EIF2AK3: variants seen among roughly 807,000 people sequenced by gnomAD.
EIF2AK3 encodes the protein eukaryotic translation initiation factor 2-alpha kinase 3.
A neutral mutation model predicts 113.5 loss-of-function variants in EIF2AK3; 50 were observed. That is an observed-to-expected ratio of 0.44 (90% confidence interval 0.35 to 0.56). The LOEUF is 0.56. EIF2AK3 is among the 20% of genes least tolerant of loss of function. The pLI is 0.00. For missense variants in EIF2AK3, 1,185 were observed against 1,378.0 expected, an observed-to-expected ratio of 0.86 and a Z score of 2.22; for synonymous variants, 448 against 495.4, an observed-to-expected ratio of 0.90 and a Z score of 1.27.
intron 2 of EIF2AK3, among the ~76,000 whole-genome samples, chr2:88,610,146 C>G (rs189410131): frequency 1.3e-5 from 2 of 152,000 alleles, no homozygotes; most frequent in Admixed American, 1.3e-4. Context: ...CAAAACAAAA[C>G]AAAACAACTT....
chr2:88,625,458 CCTTCT>C (rs2103989182), intron 1 of EIF2AK3, among the ~76,000 whole-genome samples: 1 of 152,290 alleles, frequency 6.6e-6, no homozygotes, highest in African/African-American at 2.4e-5. Context: ...TCTGCCACAA[CCTTCT>C]CTTATCTTCT....
At chr2:88,588,530 A>T (rs141243565) in intron 7 of EIF2AK3, among the ~76,000 whole-genome samples, 142 of 152,332 alleles carry the variant, frequency 9.3e-4, no homozygotes, top group African/African-American at 3.3e-3. Flanking sequence ...TAAGTTGTAT[A>T]GAGAAATATT....
chr2:88,593,154 A>AT, intron 4 of EIF2AK3, 118 bp downstream of exon 4: 1 of 1,203,682 alleles, frequency 8.3e-7, no homozygotes, highest in South Asian at 1.3e-5. Context: ...AAAAATATAT[A>AT]TATATATGCT....
At position 88,585,988 on chromosome 2, in the gene EIF2AK3, G is replaced by A. The variant is rs761573254; in HGVS notation, c.1503C>T (p.Leu501=). The A allele has an allele frequency of 4.3e-6, 7 of 1,614,006 alleles. No homozygotes were observed. Among genetic ancestry groups the A allele is most frequent in the East Asian group, 2.2e-5 (1 of 44,894 alleles). The change falls in exon 9 of 17, where the codon CTC becomes CTT. Residue 501 remains leucine, a synonymous_variant. Coordinates refer to ENST00000303236, the MANE Select transcript of EIF2AK3 (RefSeq NM_004836.7). ...KRSTQITVRF[L]DNPHYNKNIR... ...TATTCTTGTTGTAATGTGGGTTGTC[G>A]AGGAATCTGACTGTAATCTGTGTGC...
chr2:88,626,228 C>A, intron 1 of EIF2AK3, among the ~76,000 whole-genome samples: 1 of 152,194 alleles, frequency 6.6e-6, no homozygotes. Context: ...AAAGAAAACC[C>A]TATATTAAAT....
chr2:88,590,371 A>C, intron 6 of EIF2AK3, 72 bp downstream of exon 6: 1 of 1,515,870 alleles, frequency 6.6e-7, no homozygotes, highest in Non-Finnish European at 9.1e-7. Flanking sequence ...CTCCTGAAGT[A>C]GGAAGGAACA....
intron 2 of EIF2AK3, 94 bp from the exon 3 acceptor site, chr2:88,595,757 A>T (rs1366658916): frequency 1.7e-6 from 2 of 1,200,944 alleles, no homozygotes; most frequent in Non-Finnish European, 2.4e-6. Flanking sequence ...ATACCTTTAA[A>T]AGAATAATAG....
In EIF2AK3 at chr2:88,571,136, C is replaced by A. The variant is rs1042003910; in HGVS notation, c.2818-95G>T. ...AAAAGACTACAAAGAAAAAATACAACAAACTAGATATTTTCAAGCATATTT... is the reference window on the plus strand; with the variant it reads ...AAAAGACTACAAAGAAAAAATACAAAAAACTAGATATTTTCAAGCATATTT... On this transcript the variant is annotated intron_variant, in intron 13 of 16. Transcript: ENST00000303236. The A allele has an allele frequency of 5.4e-5, 74 of 1,382,456 alleles. No individual in the cohort carries two copies. In the Admixed American group the frequency reaches 1.3e-3, roughly 24 times the overall value. 85.6% of individuals were successfully genotyped at this position (1,382,456 alleles called of 1,614,324 possible).
chr2:88,588,098 G>C lies in EIF2AK3; in HGVS notation c.1313C>G (p.Pro438Arg), dbSNP rs754468668. The change falls in exon 8 of 17, where the codon CCT (proline) becomes CGT (arginine). Residue 438 changes from proline (P) to arginine (R), a missense_variant. Physicochemically the swap from Pro to Arg is moderately radical, Grantham distance 103. This residue lies in a region of EIF2AK3 where 877 missense variants were observed against 1,024.2 expected (regional missense o/e 0.86). Coordinates refer to ENST00000303236, the MANE Select transcript of EIF2AK3 (RefSeq NM_004836.7). ...TCCTACCAAGACAGGAGTTCTGGAA[G>C]GAGAATCTAAAAGAAAATTATTATT... ...TIKWKPLIHS[P>R]SRTPVLVGSD... The C allele has an allele frequency of 2.3e-5, 34 of 1,473,756 alleles. No homozygotes were observed. Among genetic ancestry groups the C allele is most frequent in the Non-Finnish European group, 9.4e-7 (1 of 1,065,100 alleles). The allele number at this position is 1,473,756 out of a possible 1,614,324, so 91.3% of individuals were successfully genotyped here.
rs913424596 is a variant in EIF2AK3 at position 88,562,646 on chromosome 2, C to T, written c.2986-256G>A. 2.6e-5 allele frequency among the ~76,000 whole-genome samples: 4 copies of T among 152,290 alleles called. No individual in the cohort carries two copies. In the South Asian group the frequency reaches 6.2e-4, roughly 24 times the overall value. On this transcript the variant is annotated intron_variant, in intron 14 of 16. Coordinates refer to ENST00000303236, the MANE Select transcript of EIF2AK3 (RefSeq NM_004836.7). ...ATATGCATCAGTAAAACAGGCCCCT[C>T]GGAAACCTGGAGACTTGCCATGCTA... is the stretch of plus-strand genomic sequence containing the variant.
At chr2:88,598,334 C>G (rs976187523) in intron 2 of EIF2AK3, among the ~76,000 whole-genome samples, 3 of 152,094 alleles carry the variant, frequency 2.0e-5, no homozygotes, top group African/African-American at 7.2e-5. Context: ...TCTAGGGTGT[C>G]TCCTTACAGA....
intron 2 of EIF2AK3, among the ~76,000 whole-genome samples, chr2:88,608,341 G>A (rs1245060128): frequency 6.6e-6 from 1 of 152,020 alleles, no homozygotes. Flanking sequence ...CGACTACTCA[G>A]GAGGCACGTG....
intron 15 of EIF2AK3, among the ~76,000 whole-genome samples, chr2:88,561,201 G>C (rs557845400): frequency 6.6e-6 from 1 of 151,550 alleles, no homozygotes; most frequent in Non-Finnish European, 1.5e-5. Flanking sequence ...TGATCTTCCT[G>C]CTTGAGCCTC....
chr2:88,593,518 G>T (rs1211869831), intron 3 of EIF2AK3, 113 bp from the exon 4 acceptor site: 3 of 1,269,544 alleles, frequency 2.4e-6, no homozygotes, highest in African/African-American at 1.5e-5. Flanking sequence ...AAGGAAATGT[G>T]TATGAAGTAC....
chr2:88,615,591 T>TCCC (rs3048919), intron 1 of EIF2AK3, among the ~76,000 whole-genome samples: 3,440 of 152,266 alleles, frequency 0.023, 171 homozygotes, highest in Admixed American at 0.11. Context: ...ATCTTGAACT[T>TCCC]CCCAGCCTCT....
intron 6 of EIF2AK3, 114 bp downstream of exon 6, chr2:88,590,329 G>T: frequency 9.7e-7 from 1 of 1,029,048 alleles, no homozygotes; most frequent in Non-Finnish European, 1.5e-6. Flanking sequence ...GTACATCAGA[G>T]ATGATATTAG....
At chr2:88,571,741 GA>G (rs1186669841) in intron 13 of EIF2AK3, among the ~76,000 whole-genome samples, 9 of 152,162 alleles carry the variant, frequency 5.9e-5, no homozygotes, top group Admixed American at 2.0e-4. Flanking sequence ...GTCTGAGGGG[GA>G]TATAGATTAT....
At chr2:88,615,943 C>T (rs1675557193) in intron 1 of EIF2AK3, among the ~76,000 whole-genome samples, 1 of 152,156 alleles carries the variant, frequency 6.6e-6, no homozygotes, top group South Asian at 2.1e-4. Flanking sequence ...TCTTGCTTCA[C>T]TTGACCACCC....
At chr2:88,559,805 G>A (rs1673893945) in intron 15 of EIF2AK3, among the ~76,000 whole-genome samples, 1 of 152,036 alleles carries the variant, frequency 6.6e-6, no homozygotes, top group Non-Finnish European at 1.5e-5. Flanking sequence ...CCTTGTAATG[G>A]TTGAATACTT....
Sources: allele counts gnomAD v4.1 joint callset (sites outside exome capture counted in the v4.1 genomes callset), GRCh38; gene constraint gnomAD v4.1.1; regional missense constraint gnomAD v4.1.1; transcripts MANE v1.5; gene names NCBI Gene and HGNC (gene_info 2026-07-23, HGNC 2026-07-21).